C10orf67: variants seen among roughly 807,000 people sequenced by gnomAD.
The protein encoded by C10orf67 is uncharacterized protein C10orf67, mitochondrial.
C10orf67 carries 60 observed loss-of-function variants against 35.6 expected under a neutral mutation model. The ratio of observed to expected loss-of-function variants is 1.68; its 90% CI spans 1.37 to 2.09. The LOEUF is 2.09. Among genes scored for constraint, C10orf67 ranks in the 30% most tolerant of loss-of-function variants. The pLI, the probability that C10orf67 is intolerant of heterozygous loss-of-function variation, is 0.00. For missense variants in C10orf67, 474 were observed against 330.2 expected, an observed-to-expected ratio of 1.44 and a Z score of -3.38; for synonymous variants, 167 against 115.8, an observed-to-expected ratio of 1.44 and a Z score of -2.84.
chr10:23,278,584 T>G (rs1024610816), intron 8 of C10orf67, among the ~76,000 whole-genome samples: 9 of 152,156 alleles, frequency 5.9e-5, no homozygotes, highest in African/African-American at 1.9e-4. Context: ...TAGAATGTGA[T>G]GAGAGCCACA....
intron 5 of C10orf67, among the ~76,000 whole-genome samples, chr10:23,302,985 G>T (rs542309516): frequency 1.3e-5 from 2 of 152,120 alleles, no homozygotes; most frequent in African/African-American, 2.4e-5. Flanking sequence ...GGGAGTCTTC[G>T]GTTACAACAA....
chr10:23,207,932 C>T lies in C10orf67; in HGVS notation c.1571-3677G>A, dbSNP rs142105621. On this transcript the variant is annotated intron_variant, in intron 15 of 15. Transcript: ENST00000636213. The stretch of plus-strand genomic sequence containing the variant: ...ACAAATTATGCAATGTTCACAGATG[C>T]GCTTCACATTGTGCCTTTTGTGAGA... Among the ~76,000 whole-genome samples the T allele has an allele frequency of 3.4e-3, 516 of 152,294 alleles. 6 individuals carry two copies. Among genetic ancestry groups the T allele is most frequent in the Non-Finnish European group, 3.5e-3 (236 of 68,032 alleles).
chr10:23,321,818 G>A (rs368640000), intron 3 of C10orf67, among the ~76,000 whole-genome samples: 2 of 151,812 alleles, frequency 1.3e-5, no homozygotes, highest in African/African-American at 4.8e-5. Flanking sequence ...CGGGGGTCTC[G>A]ACTTGTCACC....
At chr10:23,266,890 C>CT (rs927569962) in intron 9 of C10orf67, among the ~76,000 whole-genome samples, 17 of 152,270 alleles carry the variant, frequency 1.1e-4, no homozygotes, top group African/African-American at 3.6e-4. Context: ...CTCCCATTCA[C>CT]ACTTCTTGCC....
At chr10:23,216,377 T>G (rs182804427) in intron 15 of C10orf67, among the ~76,000 whole-genome samples, 1 of 152,000 alleles carries the variant, frequency 6.6e-6, no homozygotes, top group Non-Finnish European at 1.5e-5. Context: ...AGTAGGAAAA[T>G]GGAACAATAC....
At chr10:23,211,069 G>A (rs982599340) in intron 15 of C10orf67, among the ~76,000 whole-genome samples, 2 of 152,100 alleles carry the variant, frequency 1.3e-5, no homozygotes, top group Non-Finnish European at 2.9e-5. Context: ...CACAAACTGG[G>A]GGCTGAAACC....
chr10:23,210,481 G>C (rs899427437), intron 15 of C10orf67, among the ~76,000 whole-genome samples: 1 of 152,070 alleles, frequency 6.6e-6, no homozygotes. Context: ...GTGCAGTGGT[G>C]TGATCTTGAC....
intron 1 of C10orf67, among the ~76,000 whole-genome samples, chr10:23,343,233 G>C (rs953619070): frequency 1.2e-4 from 18 of 152,246 alleles, no homozygotes; most frequent in Middle Eastern, 3.4e-3. Flanking sequence ...TAGCAGGTGT[G>C]GACTTTGGAG....
intron 13 of C10orf67, among the ~76,000 whole-genome samples, chr10:23,226,420 T>C (rs1841743622): frequency 6.6e-6 from 1 of 151,994 alleles, no homozygotes; most frequent in South Asian, 2.1e-4. Context: ...TACCAGAATC[T>C]CTGGGACACA....
At chr10:23,307,283 C>G (rs1246481071) in intron 4 of C10orf67, among the ~76,000 whole-genome samples, 2 of 152,112 alleles carry the variant, frequency 1.3e-5, no homozygotes, top group African/African-American at 4.8e-5. Flanking sequence ...CCATTTGATT[C>G]TTTGTGTGTT....
At chr10:23,310,524 A>G (rs1037267530) in intron 4 of C10orf67, among the ~76,000 whole-genome samples, 4 of 152,178 alleles carry the variant, frequency 2.6e-5, no homozygotes, top group Non-Finnish European at 5.9e-5. Context: ...GGCATCCTGC[A>G]ATGCCCTTCA....
At chr10:23,320,091 T>C (rs1204892472) in intron 4 of C10orf67, among the ~76,000 whole-genome samples, 1 of 152,146 alleles carries the variant, frequency 6.6e-6, no homozygotes, top group Non-Finnish European at 1.5e-5. Context: ...ATCCTTAAGG[T>C]TGACAGTCTG....
intron 1 of C10orf67, among the ~76,000 whole-genome samples, chr10:23,337,437 G>A (rs1282198933): frequency 1.3e-5 from 2 of 152,198 alleles, no homozygotes; most frequent in African/African-American, 4.8e-5. Flanking sequence ...GGGAGGCTGA[G>A]GTGGGAAGAT....
intron 3 of C10orf67, among the ~76,000 whole-genome samples, chr10:23,321,827 C>T (rs186830082): frequency 2.3e-4 from 35 of 152,070 alleles, no homozygotes; most frequent in Admixed American, 4.6e-4. Flanking sequence ...CGACTTGTCA[C>T]CCAGGCTAGA....
chr10:23,228,497 C>A (rs1841808001), intron 13 of C10orf67, among the ~76,000 whole-genome samples: 1 of 152,108 alleles, frequency 6.6e-6, no homozygotes, highest in East Asian at 1.9e-4. Context: ...TAGAAGAAAA[C>A]CTAGGCAATA....
chr10:23,292,158 C>CTTTTTTTTTTTTTTTTTTTTT (rs542812504), intron 5 of C10orf67, among the ~76,000 whole-genome samples: 2 of 69,316 alleles, frequency 2.9e-5, no homozygotes, highest in African/African-American at 1.4e-4. Flanking sequence ...GACAGCTACT[C>CTTTTTTTTTTTTTTTTTTTTT]TTTTTTTTTT....
At chr10:23,324,789 T>G (rs1018465999) in intron 2 of C10orf67, among the ~76,000 whole-genome samples, 4 of 152,348 alleles carry the variant, frequency 2.6e-5, no homozygotes, top group South Asian at 4.1e-4. Context: ...ATTCAAAAGC[T>G]GAGAGACATT....
chr10:23,286,204 C>A (rs1843521613), intron 7 of C10orf67, among the ~76,000 whole-genome samples: 1 of 150,416 alleles, frequency 6.6e-6, no homozygotes, highest in Admixed American at 6.7e-5. Context: ...CCAGCCTGGG[C>A]AATATAGGGA....
At chr10:23,323,774 T>G (rs922723742) in intron 2 of C10orf67, among the ~76,000 whole-genome samples, 6 of 148,676 alleles carry the variant, frequency 4.0e-5, no homozygotes, top group Non-Finnish European at 7.5e-5. Context: ...TAGCCAAGTG[T>G]GGCAGTGCGC....
Sources: allele counts gnomAD v4.1 joint callset (sites outside exome capture counted in the v4.1 genomes callset), GRCh38; gene constraint gnomAD v4.1.1; transcripts MANE v1.5; gene names NCBI Gene and HGNC (gene_info 2026-07-23, HGNC 2026-07-21).